NECTIN3: variants seen among roughly 807,000 people sequenced by gnomAD.
NECTIN3 encodes the protein nectin cell adhesion molecule 3.
Under a neutral mutation model 49.4 loss-of-function variants are expected in NECTIN3, and 8 were observed. The ratio of observed to expected loss-of-function variants is 0.16; its 90% CI spans 0.10 to 0.29. NECTIN3 has a LOEUF of 0.29. Ranked by LOEUF, NECTIN3 falls within the 10% of genes least tolerant of loss-of-function variation. NECTIN3 has a pLI of 1.00. For synonymous variants in NECTIN3, 277 were observed against 241.1 expected (o/e 1.15, Z -1.38); for missense variants, 581 against 654.6 (o/e 0.89, Z 1.23).
Position 111,192,371 on chromosome 3 carries a change from G to C in NECTIN3, c.21G>C (p.Gln7His), listed in dbSNP as rs2035827548. 2.0e-6 allele frequency: 3 copies of C among 1,536,002 alleles called. No homozygotes were observed. In the African/African-American group the frequency reaches 4.1e-5, roughly 21 times the overall value. ...TCCAGCCTGAACACTTGCCTTTGCA[G>C]ACTCAGTTCAAAGAAAGAGAAGTTG... The change falls in exon 1 of 2, where the codon CAG (glutamine) becomes CAC (histidine). Residue 7 changes from glutamine to histidine, a missense_variant. Physicochemically the swap from Gln to His is conservative, Grantham distance 24 (BLOSUM62 0). Coordinates refer to the NECTIN3 transcript ENST00000485506.
intron 1 of NECTIN3, among the ~76,000 whole-genome samples, chr3:111,108,252 T>C (rs1367955172): frequency 2.0e-5 from 3 of 150,616 alleles, no homozygotes; most frequent in African/African-American, 7.4e-5. Flanking sequence ...AAATATCAAC[T>C]TTGTTCATTA....
intron 5 of NECTIN3, among the ~76,000 whole-genome samples, chr3:111,130,937 G>A (rs997021935): frequency 4.6e-5 from 7 of 151,956 alleles, no homozygotes; most frequent in African/African-American, 1.7e-4. Flanking sequence ...TCAAATAAGT[G>A]CCCCTATGTC....
At position 111,114,172 on chromosome 3, in the gene NECTIN3, T is replaced by TC. The variant is rs2033590761; in HGVS notation, c.502+1802dup. Reference sequence around the variant, plus strand: ...ATTATGTTGTCCACACCTACTTTTCTCGCTTCATCTATTCTCCTTGCTTCT... The same window carrying TC: ...ATTATGTTGTCCACACCTACTTTTCTCCGCTTCATCTATTCTCCTTGCTTCT... On this transcript the variant is annotated intron_variant, in intron 2 of 5. Transcript: ENST00000485303. Among the ~76,000 whole-genome samples, 8 of 152,318 alleles carry TC rather than the reference T, an allele frequency of 5.3e-5. No homozygotes were observed. The South Asian group carries it at 1.4e-3, about 28-fold the overall frequency.
intron 3 of NECTIN3, among the ~76,000 whole-genome samples, chr3:111,120,975 C>T (rs1559791644): frequency 6.6e-6 from 1 of 150,716 alleles, no homozygotes; most frequent in Non-Finnish European, 1.5e-5. Flanking sequence ...GTATACCAAA[C>T]ACCTAAAACA....
At chr3:111,163,658 TCTG>T (rs1408663820) in intron 7 of NECTIN3, among the ~76,000 whole-genome samples, 3 of 152,218 alleles carry the variant, frequency 2.0e-5, no homozygotes, top group Non-Finnish European at 4.4e-5. Context: ...GGTCATAACA[TCTG>T]CTGACCAATG....
At chr3:111,089,683 A>G (rs937790943) in intron 1 of NECTIN3, among the ~76,000 whole-genome samples, 4 of 152,046 alleles carry the variant, frequency 2.6e-5, no homozygotes, top group Non-Finnish European at 4.4e-5. Flanking sequence ...CCCAATATGC[A>G]GTCAGTTTTG....
chr3:111,141,308 C>G (rs1482304808), downstream of NECTIN3, among the ~76,000 whole-genome samples: 4 of 151,498 alleles, frequency 2.6e-5, no homozygotes, highest in Non-Finnish European at 5.9e-5. Context: ...ACTTTGTAGG[C>G]CAACACATAA....
chr3:111,099,569 AAC>A, intron 1 of NECTIN3, among the ~76,000 whole-genome samples: 1 of 152,298 alleles, frequency 6.6e-6, no homozygotes, highest in Non-Finnish European at 1.5e-5. Flanking sequence ...TAAATATTTG[AAC>A]ACTTAATATG....
At chr3:111,142,992 A>G (rs1338098466) in intron 5 of NECTIN3, among the ~76,000 whole-genome samples, 1 of 151,870 alleles carries the variant, frequency 6.6e-6, no homozygotes, top group African/African-American at 2.4e-5. Context: ...CACTGACTAG[A>G]GATGTATGAC....
intron 7 of NECTIN3, among the ~76,000 whole-genome samples, chr3:111,175,100 T>C (rs1279603009): frequency 6.6e-6 from 1 of 151,898 alleles, no homozygotes; most frequent in Non-Finnish European, 1.5e-5. Flanking sequence ...AAACTCCTCT[T>C]CCACCACCTC....
intron 1 of NECTIN3, among the ~76,000 whole-genome samples, chr3:111,193,920 A>G (rs555211882): frequency 6.6e-6 from 1 of 152,338 alleles, no homozygotes; most frequent in South Asian, 2.1e-4. Context: ...TCATCCAAAC[A>G]GCAACAAAAG....
chr3:111,188,268 GATACATAATGCTTTCC>G (rs1462714121), upstream of NECTIN3, among the ~76,000 whole-genome samples: 12 of 152,288 alleles, frequency 7.9e-5, no homozygotes, highest in Non-Finnish European at 1.3e-4. Context: ...TGCAGAAACA[GATACATAATGCTTTCC>G]ATAGCCCAGT....
At chr3:111,185,271 G>A (rs781458699) in intron 7 of NECTIN3, among the ~76,000 whole-genome samples, 7 of 151,838 alleles carry the variant, frequency 4.6e-5, no homozygotes, top group African/African-American at 1.2e-4. Context: ...CTCTTCTTAC[G>A]TCACCAGAAA....
intron 1 of NECTIN3, chr3:111,193,204 G>T (rs1304336381): frequency 6.5e-7 from 1 of 1,535,174 alleles, no homozygotes; most frequent in Admixed American, 2.0e-5. Context: ...TTTTAGAATG[G>T]ACTAAATAGC....
At chr3:111,146,152 C>T (rs1269454530) in intron 6 of NECTIN3, among the ~76,000 whole-genome samples, 3 of 152,136 alleles carry the variant, frequency 2.0e-5, no homozygotes, top group African/African-American at 7.2e-5. Context: ...GAGTGACTAG[C>T]GGCCGAGCGC....
chr3:111,173,732 T>C (rs1001368331), intron 7 of NECTIN3, among the ~76,000 whole-genome samples: 4 of 152,210 alleles, frequency 2.6e-5, no homozygotes, highest in Non-Finnish European at 5.9e-5. Context: ...TATCCTTTCA[T>C]AGACAAACAA....
At chr3:111,088,516 A>G (rs904971227) in intron 1 of NECTIN3, among the ~76,000 whole-genome samples, 4 of 152,154 alleles carry the variant, frequency 2.6e-5, no homozygotes, top group Admixed American at 6.6e-5. Context: ...ACTTAATTTT[A>G]TCAAATGTTT....
chr3:111,190,783 T>A (rs938048330), upstream of NECTIN3, among the ~76,000 whole-genome samples: 4 of 152,236 alleles, frequency 2.6e-5, no homozygotes, highest in African/African-American at 9.6e-5. Flanking sequence ...TTCAGACCAT[T>A]AGCAATGGCT....
At chr3:111,175,781 G>A (rs1006558025) in intron 7 of NECTIN3, among the ~76,000 whole-genome samples, 1 of 152,178 alleles carries the variant, frequency 6.6e-6, no homozygotes, top group East Asian at 1.9e-4. Context: ...TGGCTCCCAA[G>A]GAGGTCTCCA....
Sources: gnomAD v4.1 joint callset for allele counts (sites outside exome capture counted in the v4.1 genomes callset) on GRCh38, gnomAD v4.1.1 for gene constraint, MANE v1.5 for transcripts, NCBI Gene and HGNC (gene_info 2026-07-23, HGNC 2026-07-21) for gene names.